Variants in DDC observed in about 807,000 individuals in gnomAD.
DDC encodes dopa decarboxylase.
A neutral mutation model predicts 60.0 loss-of-function variants in DDC; 43 were observed. The ratio of observed to expected loss-of-function variants is 0.72; its 90% CI spans 0.56 to 0.92. The LOEUF (loss-of-function observed/expected upper bound fraction) is 0.92. Ranked by LOEUF, DDC falls within the 40% of genes least tolerant of loss-of-function variation. DDC has a pLI of 0.00. For missense variants in DDC, 573 were observed against 620.2 expected, an observed-to-expected ratio of 0.92 and a Z score of 0.81; for synonymous variants, 232 against 234.6, an observed-to-expected ratio of 0.99 and a Z score of 0.10.
chr7:50,488,811 C>G (rs2042939116), intron 9 of DDC, among the ~76,000 whole-genome samples: 1 of 152,080 alleles, frequency 6.6e-6, no homozygotes, highest in African/African-American at 2.4e-5. Flanking sequence ...TTTTCATAAA[C>G]CAAAATTTCA....
chr7:50,490,863 A>G (rs1017938162), intron 9 of DDC, among the ~76,000 whole-genome samples: 1 of 152,236 alleles, frequency 6.6e-6, no homozygotes, highest in Non-Finnish European at 1.5e-5. Flanking sequence ...TAATAGAACT[A>G]AAACTTATTT....
intron 9 of DDC, chr7:50,492,701 T>TC: frequency 7.2e-7 from 1 of 1,386,372 alleles, no homozygotes; most frequent in South Asian, 1.6e-5. Context: ...AAATGGCCTT[T>TC]TCCAAATGGC....
intron 1 of DDC, among the ~76,000 whole-genome samples, chr7:50,560,623 C>T (rs1246298759): frequency 3.3e-5 from 5 of 152,140 alleles, no homozygotes; most frequent in African/African-American, 4.8e-5. Flanking sequence ...TCCCACCCAT[C>T]GTGTGGCCTC....
At chr7:50,552,547 G>A (rs2045036535) in intron 1 of DDC, among the ~76,000 whole-genome samples, 1 of 152,124 alleles carries the variant, frequency 6.6e-6, no homozygotes, top group Admixed American at 6.6e-5. Context: ...AAGAAGAGAT[G>A]GACTCCCCTG....
chr7:50,495,496 A>T (rs1401372642), intron 8 of DDC, 79 bp from the exon 9 acceptor site: 1 of 1,191,136 alleles, frequency 8.4e-7, no homozygotes, highest in South Asian at 1.3e-5. Context: ...CATACATGAT[A>T]ATAAAAGTTT....
chr7:50,565,267 A>G lies in DDC; in HGVS notation c.-29+18T>C, dbSNP rs2045402473. 6.6e-6 allele frequency: 1 copy of G among 152,236 alleles called. No homozygotes were observed. The highest frequency in any genetic ancestry group is 2.4e-5 in the African/African-American group (1 of 41,470). The allele number at this position is 152,236 out of a possible 1,614,324, so 9.4% of individuals were successfully genotyped here. A position where few individuals can be genotyped will look rare whatever the true frequency, so the allele number is the denominator to read the frequency against. On this transcript the variant is annotated intron_variant, in intron 1 of 14. Transcript: ENST00000444124. ...TTCCACTACTACAATCTGAGTAGGT[A>G]TAAAATCAGAGACTTACATGCTGGA... is the stretch of plus-strand genomic sequence containing the variant.
intron 6 of DDC, among the ~76,000 whole-genome samples, chr7:50,527,248 T>A (rs2044064206): frequency 1.3e-5 from 2 of 152,214 alleles, no homozygotes; most frequent in African/African-American, 4.8e-5. Context: ...GCATTTGTCT[T>A]TTTATTTCAT....
intron 7 of DDC, among the ~76,000 whole-genome samples, chr7:50,503,344 T>TAC (rs1203265553): frequency 3.9e-5 from 6 of 152,210 alleles, no homozygotes; most frequent in African/African-American, 1.4e-4. Flanking sequence ...TTCCCAGAGC[T>TAC]ACATGTCAAA....
chr7:50,488,396 A>G (rs1371034694), intron 9 of DDC, among the ~76,000 whole-genome samples: 1 of 152,030 alleles, frequency 6.6e-6, no homozygotes, highest in Non-Finnish European at 1.5e-5. Flanking sequence ...AGGAAACAGT[A>G]AATAAAAGAG....
In DDC at chr7:50,528,222, G is replaced by A. The variant is rs6262; in HGVS notation, c.629C>T (p.Pro210Leu). The A allele has an allele frequency of 2.3e-3, 3,668 of 1,614,090 alleles. 86 individuals carry two copies. In the African/African-American group the frequency reaches 0.044, roughly 20 times the overall value. Residue 210 changes from proline (P) to leucine (L), a missense_variant, in exon 6 of 15, where the codon CCC (proline) becomes CTC (leucine). By Grantham distance (98) the Pro-to-Leu change is moderately conservative (BLOSUM62 -3). Coordinates refer to ENST00000444124, the MANE Select transcript of DDC (RefSeq NM_001082971.2). The stretch of plus-strand genomic sequence containing the variant: ...ACGCATGGCGAAGTTGCCATCTGAG[G>A]GGATGGCTTTTAATTTCACTCCACC... ...LIGGVKLKAIPSDGNFAMRAS... is the reference protein window; with the variant it reads ...LIGGVKLKAILSDGNFAMRAS...
Position 50,480,819 on chromosome 7 carries a change from G to A in DDC, c.945-956C>T, listed in dbSNP as rs548069244. 7.9e-5 allele frequency among the ~76,000 whole-genome samples: 12 copies of A among 152,274 alleles called. No homozygotes were observed. The East Asian group carries it at 1.7e-3, about 22-fold the overall frequency. On this transcript the variant is annotated intron_variant, in intron 9 of 14. Transcript: ENST00000444124. ...AATCCCAAGGGCTAATGAGTGAGAA[G>A]GCCAGGATGCCCTGGGCTGCAGACA...
intron 10 of DDC, among the ~76,000 whole-genome samples, chr7:50,477,341 G>A (rs1448734147): frequency 1.3e-5 from 2 of 152,220 alleles, no homozygotes; most frequent in Non-Finnish European, 2.9e-5. Flanking sequence ...ATCAGGTGAG[G>A]ATTATGACAA....
At chr7:50,520,576 ATAATC>A (rs1231840043) in intron 6 of DDC, among the ~76,000 whole-genome samples, 1 of 152,222 alleles carries the variant, frequency 6.6e-6, no homozygotes, top group African/African-American at 2.4e-5. Context: ...TCTAAAATCT[ATAATC>A]TAAGCTTCCA....
At chr7:50,491,662 G>A (rs906426372) in intron 9 of DDC, among the ~76,000 whole-genome samples, 2 of 152,144 alleles carry the variant, frequency 1.3e-5, no homozygotes, top group Non-Finnish European at 2.9e-5. Flanking sequence ...CAGATAAAAG[G>A]TTAAATATCT....
chr7:50,540,144 A>T (rs1223538374), intron 2 of DDC, 116 bp from the exon 3 acceptor site: 1 of 744,894 alleles, frequency 1.3e-6, no homozygotes, highest in Non-Finnish European at 2.4e-6. Flanking sequence ...ACCCAGAGTT[A>T]GGTGAGTGCA....
At chr7:50,540,317 T>A (rs1236841744) in intron 2 of DDC, among the ~76,000 whole-genome samples, 3 of 152,106 alleles carry the variant, frequency 2.0e-5, no homozygotes, top group Non-Finnish European at 4.4e-5. Flanking sequence ...AAGTGGAAAA[T>A]CCTTATCATT....
At chr7:50,559,624 C>T (rs968087169) in intron 1 of DDC, among the ~76,000 whole-genome samples, 2 of 152,164 alleles carry the variant, frequency 1.3e-5, no homozygotes, top group Non-Finnish European at 2.9e-5. Flanking sequence ...GATACGGTTC[C>T]ACCATGTTGG....
chr7:50,499,760 A>C (rs2043207382), intron 7 of DDC, among the ~76,000 whole-genome samples: 1 of 152,172 alleles, frequency 6.6e-6, no homozygotes, highest in African/African-American at 2.4e-5. Context: ...TGCTTTCTTC[A>C]TGAACAGGGT....
rs11575545 is a variant in DDC at position 50,462,937 on chromosome 7, T to G, written c.*18+276A>C. Reference sequence around the variant, plus strand: ...GGTGCATGCCACCACGCCCAGCTAATTTTTGTATTTTTAGTAGAGACAGGG... The same window carrying G: ...GGTGCATGCCACCACGCCCAGCTAAGTTTTGTATTTTTAGTAGAGACAGGG... On this transcript the variant is annotated intron_variant, in intron 14 of 14. Transcript: ENST00000444124. Among the ~76,000 whole-genome samples, 2,387 of 152,168 alleles carry G rather than the reference T, an allele frequency of 0.016. 69 individuals carry two copies. The highest frequency in any genetic ancestry group is 0.055 in the African/African-American group (2,274 of 41,504).
Sources: allele counts gnomAD v4.1 joint callset (sites outside exome capture counted in the v4.1 genomes callset), GRCh38; gene constraint gnomAD v4.1.1; transcripts MANE v1.5; gene names NCBI Gene and HGNC (gene_info 2026-07-23, HGNC 2026-07-21).